Variants in ROBO1 observed in about 807,000 individuals in gnomAD.
ROBO1 encodes the protein roundabout homolog 1.
In ROBO1, 149 loss-of-function variants were observed where a neutral mutation model predicts 195.9. The ratio of observed to expected loss-of-function variants is 0.76; its 90% CI spans 0.67 to 0.87. The LOEUF is 0.87. Ranked by LOEUF, ROBO1 falls within the 40% of genes least tolerant of loss-of-function variation. ROBO1 has a pLI of 0.00. For missense variants in ROBO1, 1,933 were observed against 2,068.3 expected, an observed-to-expected ratio of 0.93 and a Z score of 1.27; for synonymous variants, 816 against 733.2, an observed-to-expected ratio of 1.11 and a Z score of -1.82.
At chr3:79,629,993 TA>T (rs1333625470) in intron 1 of ROBO1, among the ~76,000 whole-genome samples, 6 of 151,770 alleles carry the variant, frequency 4.0e-5, no homozygotes, top group Non-Finnish European at 7.4e-5. Context: ...GAATCAGTAA[TA>T]AAAAACCTCC....
chr3:78,965,323 G>A (rs1457253655), intron 3 of ROBO1, among the ~76,000 whole-genome samples: 1 of 152,096 alleles, frequency 6.6e-6, no homozygotes, highest in Non-Finnish European at 1.5e-5. Flanking sequence ...TTAACCAGAA[G>A]CTTTTTTTGA....
intron 1 of ROBO1, among the ~76,000 whole-genome samples, chr3:79,747,596 A>C (rs1281593968): frequency 6.6e-6 from 1 of 152,028 alleles, no homozygotes. Context: ...CTTAATAAGG[A>C]ATATCTTGAA....
intron 2 of ROBO1, among the ~76,000 whole-genome samples, chr3:79,456,579 C>G (rs946996088): frequency 1.3e-5 from 2 of 152,182 alleles, no homozygotes; most frequent in Non-Finnish European, 2.9e-5. Flanking sequence ...GTACAAAGTA[C>G]AGTGATTACA....
chr3:78,894,571 G>GAAGGAAAACCAATAACA (rs2037119627), intron 4 of ROBO1, among the ~76,000 whole-genome samples: 2 of 152,068 alleles, frequency 1.3e-5, no homozygotes, highest in Admixed American at 1.3e-4. Flanking sequence ...ATGAAATAAA[G>GAAGGAAAACCAATAACA]AAGAAGGAAA....
At chr3:79,343,450 G>C (rs559910681) in intron 2 of ROBO1, among the ~76,000 whole-genome samples, 1 of 152,226 alleles carries the variant, frequency 6.6e-6, no homozygotes, top group Non-Finnish European at 1.5e-5. Context: ...CACCAGCAAC[G>C]AAGGATAATT....
At chr3:78,897,830 G>A (rs2037330090) in intron 4 of ROBO1, among the ~76,000 whole-genome samples, 1 of 151,646 alleles carries the variant, frequency 6.6e-6, no homozygotes, top group South Asian at 2.1e-4. Flanking sequence ...TTTCTTTCTT[G>A]AGTTGTACCA....
chr3:78,681,952 T>A (rs899345895), intron 10 of ROBO1, among the ~76,000 whole-genome samples: 5 of 152,106 alleles, frequency 3.3e-5, no homozygotes, highest in African/African-American at 7.2e-5. Flanking sequence ...AGCAACACAG[T>A]ATTCAGAGCT....
At chr3:79,733,801 C>T (rs1703256879) in intron 1 of ROBO1, among the ~76,000 whole-genome samples, 1 of 152,134 alleles carries the variant, frequency 6.6e-6, no homozygotes, top group African/African-American at 2.4e-5. Context: ...GTATTTCCCA[C>T]TATTGTGTAC....
chr3:79,089,178 T>A (rs1331613673), intron 3 of ROBO1, among the ~76,000 whole-genome samples: 1 of 152,088 alleles, frequency 6.6e-6, no homozygotes, highest in African/African-American at 2.4e-5. Flanking sequence ...TTTTGAGAAA[T>A]TATTATTTAA....
At chr3:78,877,557 T>C (rs2035929621) in intron 4 of ROBO1, among the ~76,000 whole-genome samples, 1 of 151,874 alleles carries the variant, frequency 6.6e-6, no homozygotes, top group African/African-American at 2.4e-5. Context: ...GAAAAATAAG[T>C]CTGGTATATT....
intron 4 of ROBO1, among the ~76,000 whole-genome samples, chr3:78,807,408 T>A (rs1021503553): frequency 3.3e-5 from 5 of 152,162 alleles, no homozygotes. Context: ...AGGAATAACA[T>A]AGGAAACTGG....
intron 2 of ROBO1, among the ~76,000 whole-genome samples, chr3:79,569,673 G>GTGTGTGTGTGTA (rs1943210817): frequency 1.2e-5 from 1 of 85,702 alleles, no homozygotes; most frequent in African/African-American, 5.5e-5. Flanking sequence ...GTGTGTGTGT[G>GTGTGTGTGTGTA]TATATATGTG....
chr3:78,915,442 AT>A (rs1353883469), intron 4 of ROBO1, among the ~76,000 whole-genome samples: 3 of 152,198 alleles, frequency 2.0e-5, no homozygotes, highest in African/African-American at 7.2e-5. Flanking sequence ...TCCAAATGAA[AT>A]CATAATAAAT....
chr3:79,584,316 C>T (rs949087082), intron 2 of ROBO1, among the ~76,000 whole-genome samples: 1 of 148,822 alleles, frequency 6.7e-6, no homozygotes, highest in African/African-American at 2.4e-5. Flanking sequence ...CTGGACAGAT[C>T]CCTAAAGTAC....
intron 26 of ROBO1, among the ~76,000 whole-genome samples, chr3:78,624,403 T>G (rs1029060742): frequency 1.6e-4 from 25 of 152,198 alleles, no homozygotes; most frequent in African/African-American, 5.8e-4. Context: ...CAGTGTTATT[T>G]CCAGCAATGA....
chr3:79,718,535 A>G (rs1702577176), intron 1 of ROBO1, among the ~76,000 whole-genome samples: 1 of 152,004 alleles, frequency 6.6e-6, no homozygotes. Context: ...TATGATATGT[A>G]TTATAGTGTT....
At chr3:78,900,330 T>C (rs1352252561) in intron 4 of ROBO1, among the ~76,000 whole-genome samples, 1 of 152,152 alleles carries the variant, frequency 6.6e-6, no homozygotes, top group African/African-American at 2.4e-5. Flanking sequence ...AAATAGAAAA[T>C]TGTGGCTAAA....
At chr3:79,405,275 C>A (rs2037503561) in intron 2 of ROBO1, among the ~76,000 whole-genome samples, 1 of 152,132 alleles carries the variant, frequency 6.6e-6, no homozygotes, top group African/African-American at 2.4e-5. Context: ...TTTTCTAAAG[C>A]AATGCCTGAG....
At chr3:78,637,597 A>G (rs1308418701) in intron 22 of ROBO1, among the ~76,000 whole-genome samples, 2 of 152,194 alleles carry the variant, frequency 1.3e-5, no homozygotes, top group African/African-American at 2.4e-5. Flanking sequence ...TCTGTTGCCA[A>G]TGGCTACCAT....
Sources: allele counts gnomAD v4.1 joint callset (sites outside exome capture counted in the v4.1 genomes callset), GRCh38; gene constraint gnomAD v4.1.1; transcripts MANE v1.5; gene names NCBI Gene and HGNC (gene_info 2026-07-23, HGNC 2026-07-21).